Variants in MED25 observed in about 807,000 individuals in gnomAD.
MED25 encodes the protein mediator complex subunit 25, also known as mediator of RNA polymerase II transcription subunit 25.
Under a neutral mutation model 89.4 loss-of-function variants are expected in MED25, and 62 were observed. The observed-to-expected ratio is 0.69, with a 90% confidence interval of 0.57 to 0.86. The LOEUF (loss-of-function observed/expected upper bound fraction) is 0.86, where lower values mean the gene tolerates loss of function less well. Ranked by LOEUF, MED25 falls within the 40% of genes least tolerant of loss-of-function variation. The pLI, the probability that MED25 is intolerant of heterozygous loss-of-function variation, is 0.00. For missense variants in MED25, 905 were observed against 1,005.2 expected (o/e 0.90, Z 1.35); for synonymous variants, 449 against 427.9 (o/e 1.05, Z -0.61).
Position 49,835,209 on chromosome 19 carries a change from C to G in MED25, c.1674+32C>G. ...GTTGACAGTCCCCAAACCAGCACTC[C>G]GACCCCCTCCTGCCCGGGCCCCACA... On this transcript the variant is annotated intron_variant, in intron 14 of 17. Coordinates refer to ENST00000312865, the MANE Select transcript of MED25 (RefSeq NM_030973.4). The surrounding 1 kb of genome is among the most constrained non-coding windows in gnomAD (Gnocchi z 6.2). The G allele has an allele frequency of 6.2e-7, 1 of 1,611,706 alleles. No homozygotes were observed. Among genetic ancestry groups the G allele is most frequent in the South Asian group, 1.1e-5 (1 of 91,042 alleles).
At position 49,829,131 on chromosome 19, in the gene MED25, C is replaced by G; in HGVS notation, c.525+41C>G. ...TCTGAGGGACGAGGGTCTGGGGGCC[C>G]GGAGTCTTGGGTCTGAGGCAGGAGG... On this transcript the variant is annotated intron_variant, in intron 5 of 17. Coordinates refer to ENST00000312865, the MANE Select transcript of MED25 (RefSeq NM_030973.4). This position sits in a 1 kb window ranked among gnomAD's most constrained non-coding sequence, Gnocchi z 4.6. 1.3e-6 allele frequency: 2 copies of G among 1,578,392 alleles called. No individual in the cohort carries two copies. Among genetic ancestry groups the G allele is most frequent in the Non-Finnish European group, 8.7e-7 (1 of 1,155,540 alleles).
rs1239342052 is a variant in MED25 at position 49,836,746 on chromosome 19, G to C, written c.2147-101G>C. 1 of 882,666 alleles carries C rather than the reference G, an allele frequency of 1.1e-6. No homozygotes were observed. The highest frequency in any genetic ancestry group is 1.7e-5 in the African/African-American group (1 of 60,486). The allele number at this position is 882,666 out of a possible 1,614,324, so 54.7% of individuals were successfully genotyped here. A position where few individuals can be genotyped will look rare whatever the true frequency, so the allele number is the denominator to read the frequency against. Reference sequence around the variant, plus strand: ...CTAGATGGGGCCAGAAGGTGCTTCTGTTGGGTCCCCCAAGGGCTGCCTAGA... The same window carrying C: ...CTAGATGGGGCCAGAAGGTGCTTCTCTTGGGTCCCCCAAGGGCTGCCTAGA... On this transcript the variant is annotated intron_variant, in intron 17 of 17. Transcript: ENST00000312865. The surrounding 1 kb of genome is among the most constrained non-coding windows in gnomAD (Gnocchi z 5.1).
At chr19:49,838,504 G>T, downstream of MED25, 1 of 449,796 alleles carries the variant, frequency 2.2e-6, no homozygotes, top group Non-Finnish European at 4.5e-6. Context: ...TTGTCACGGG[G>T]TTTGCACTGT....
chr19:49,824,223 C>T (rs573551056), intron 3 of MED25, among the ~76,000 whole-genome samples: 8 of 152,048 alleles, frequency 5.3e-5, no homozygotes, highest in Non-Finnish European at 8.8e-5. Flanking sequence ...TGTCTTATAC[C>T]CTGGGAAACC....
At position 49,829,855 on chromosome 19, in the gene MED25, G is replaced by A. The variant is rs1160003190; in HGVS notation, c.595G>A (p.Ala199Thr). Residue 199 changes from alanine to threonine, a missense_variant, in exon 6 of 18, where the codon GCC (alanine) becomes ACC (threonine). Ala to Thr is a moderately conservative substitution (Grantham distance 58). Transcript: ENST00000312865. This position sits in a 1 kb window ranked among gnomAD's most constrained non-coding sequence, Gnocchi z 4.6. ...GCTTCGGCTTCTGTTTGAGAAGGCAGCCCCCCCGGCCTTGCTGGAGCCGCT... is the reference window on the plus strand; with the variant it reads ...GCTTCGGCTTCTGTTTGAGAAGGCAACCCCCCCGGCCTTGCTGGAGCCGCT... ...PALRLLFEKAAPPALLEPLQP... is the reference protein window; with the variant it reads ...PALRLLFEKATPPALLEPLQP... The A allele has an allele frequency of 6.2e-7, 1 of 1,611,936 alleles. No individual in the cohort carries two copies. The highest frequency in any genetic ancestry group is 2.2e-5 in the East Asian group (1 of 44,852).
chr19:49,830,425 C>A lies in MED25; in HGVS notation c.820-86C>A. Reference sequence around the variant, plus strand: ...CTATCCCAGCTGGTGCCTCATGGGGCCATGGGTGGTGTGACCTCGTGGGAT... The same window carrying A: ...CTATCCCAGCTGGTGCCTCATGGGGACATGGGTGGTGTGACCTCGTGGGAT... On this transcript the variant is annotated intron_variant, in intron 7 of 17. Coordinates refer to ENST00000312865, the MANE Select transcript of MED25 (RefSeq NM_030973.4). This position sits in a 1 kb window ranked among gnomAD's most constrained non-coding sequence, Gnocchi z 4.6. 7.2e-7 allele frequency: 1 copy of A among 1,384,002 alleles called. No homozygotes were observed. Among genetic ancestry groups the A allele is most frequent in the Non-Finnish European group, 1.0e-6 (1 of 978,868 alleles). The allele number at this position is 1,384,002 out of a possible 1,614,324, so 85.7% of individuals were successfully genotyped here. A position where few individuals can be genotyped will look rare whatever the true frequency, so the allele number is the denominator to read the frequency against.
chr19:49,835,217 T>A lies in MED25; in HGVS notation c.1674+40T>A. The A allele has an allele frequency of 6.2e-7, 1 of 1,609,756 alleles. No homozygotes were observed. The highest frequency in any genetic ancestry group is 8.5e-7 in the Non-Finnish European group (1 of 1,176,668). ...TCCCCAAACCAGCACTCCGACCCCC[T>A]CCTGCCCGGGCCCCACATGGCCCCC... On this transcript the variant is annotated intron_variant, in intron 14 of 17. Transcript: ENST00000312865. This position sits in a 1 kb window ranked among gnomAD's most constrained non-coding sequence, Gnocchi z 6.2.
Position 49,818,486 on chromosome 19 carries a change from T to G in MED25, c.134+11T>G. ...GCTCCCGGCCATCGAGTGAGTGCTG[T>G]TTCCGCGACTCTAACCCCGCCCTCC... On this transcript the variant is annotated intron_variant, in intron 1 of 17. Transcript: ENST00000312865. 6.2e-7 allele frequency: 1 copy of G among 1,614,182 alleles called. No individual in the cohort carries two copies. Among genetic ancestry groups the G allele is most frequent in the Non-Finnish European group, 8.5e-7 (1 of 1,180,036 alleles).
downstream of MED25, chr19:49,839,265 T>C (rs1023552854): frequency 5.8e-6 from 1 of 171,534 alleles, no homozygotes; most frequent in African/African-American, 2.4e-5. Context: ...CTGGCCAGAG[T>C]TCCGAAGCAC....
downstream of MED25, chr19:49,839,085 G>GGCCTTTTCTTTCGCTGC (rs2074118141): frequency 6.9e-6 from 2 of 289,500 alleles, no homozygotes; most frequent in Admixed American, 1.0e-4. Context: ...AATTGATTGT[G>GGCCTTTTCTTTCGCTGC]GCCTTTTCTT....
Position 49,836,689 on chromosome 19 carries a change from C to G in MED25, c.2147-158C>G. On this transcript the variant is annotated intron_variant, in intron 17 of 17. Transcript: ENST00000312865. This position sits in a 1 kb window ranked among gnomAD's most constrained non-coding sequence, Gnocchi z 5.1. ...GAGAAGTAGTTTTGGAGAAGGGCCC[C>G]CAAAGGCTCATGGGAAACAGCATAT... 1.3e-6 allele frequency: 1 copy of G among 747,356 alleles called. No homozygotes were observed. Among genetic ancestry groups the G allele is most frequent in the Non-Finnish European group, 2.4e-6 (1 of 413,696 alleles). The allele number at this position is 747,356 out of a possible 1,614,324, so 46.3% of individuals were successfully genotyped here. A position where few individuals can be genotyped will look rare whatever the true frequency, so the allele number is the denominator to read the frequency against.
At chr19:49,837,811 A>C (rs755538312), downstream of MED25, among the ~76,000 whole-genome samples, 7 of 152,180 alleles carry the variant, frequency 4.6e-5, no homozygotes, top group African/African-American at 7.2e-5. Context: ...TTCAAGCCAC[A>C]GAAGCAGACA....
intron 12 of MED25, 33 bp from the exon 13 acceptor site, chr19:49,832,275 C>A: frequency 6.5e-7 from 1 of 1,545,972 alleles, no homozygotes; most frequent in Non-Finnish European, 8.9e-7. Context: ...TTGCCCACAC[C>A]AGCATGCCAG....
At position 49,831,311 on chromosome 19, in the gene MED25, C is replaced by T. The variant is rs777435389; in HGVS notation, c.1102-22C>T. On this transcript the variant is annotated intron_variant, in intron 9 of 17. Transcript: ENST00000312865. The surrounding 1 kb of genome is among the most constrained non-coding windows in gnomAD (Gnocchi z 5.0). ...TCCCGGCCTTCCCCATTCTCATGGC[C>T]CTCCTTCCTCCCCTCTGGCAGGCAG... 1.2e-6 allele frequency: 2 copies of T among 1,607,210 alleles called. No individual in the cohort carries two copies. Among genetic ancestry groups the T allele is most frequent in the Non-Finnish European group, 1.7e-6 (2 of 1,177,730 alleles).
At chr19:49,822,006 G>T (rs1376075936) in intron 3 of MED25, among the ~76,000 whole-genome samples, 1 of 151,348 alleles carries the variant, frequency 6.6e-6, no homozygotes, top group African/African-American at 2.4e-5. Flanking sequence ...GCTCACGCCT[G>T]TAATCCCAGC....
rs758871852 is a variant in MED25, at chr19:49,828,962, C to A, written c.405-8C>A. ...TGCTGGCTCCATGTCTTCTCTCTTT[C>A]CTGGTAGTGGCCAGACGCACCGGGT... On this transcript the variant is annotated splice_polypyrimidine_tract_variant and splice_region_variant and intron_variant, in intron 4 of 17. Coordinates refer to ENST00000312865, the MANE Select transcript of MED25 (RefSeq NM_030973.4). 10 of 1,613,910 alleles carry A rather than the reference C, an allele frequency of 6.2e-6. No homozygotes were observed. The Admixed American group carries it at 8.3e-5, about 13-fold the overall frequency.
Position 49,835,774 on chromosome 19 carries a change from C to T in MED25, c.1794C>T (p.Ala598=), listed in dbSNP as rs185100172. The T allele has an allele frequency of 7.6e-3, 12,173 of 1,608,894 alleles. 89 individuals are homozygous for T. The highest frequency in any genetic ancestry group is 0.022 in the South Asian group (1,959 of 90,842). Residue 598 remains alanine, a synonymous_variant, in exon 16 of 18, where the codon GCC becomes GCT. Transcript: ENST00000312865. The surrounding 1 kb of genome is among the most constrained non-coding windows in gnomAD (Gnocchi z 6.2). ...PQPQPQGTVG[A]SGATGQPQPQ... is the part of the protein sequence containing the mutation. ...CCCAGCCTCAGGGTACCGTAGGGGC[C>T]TCTGGGGCCACGGGGCAGCCCCAGC...
At chr19:49,824,285 C>G (rs2074001209) in intron 3 of MED25, among the ~76,000 whole-genome samples, 1 of 152,222 alleles carries the variant, frequency 6.6e-6, no homozygotes, top group African/African-American at 2.4e-5. Flanking sequence ...TGACCTGTCA[C>G]AGCCCCACAC....
chr19:49,822,128 T>C (rs2073986783), intron 3 of MED25, among the ~76,000 whole-genome samples: 1 of 150,972 alleles, frequency 6.6e-6, no homozygotes, highest in Admixed American at 6.6e-5. Context: ...CCGGGCGCGG[T>C]GGCAGGCACC....
Sources: allele counts gnomAD v4.1 joint callset (sites outside exome capture counted in the v4.1 genomes callset), GRCh38; gene constraint gnomAD v4.1.1; non-coding constraint Gnocchi (gnomAD v3.1); transcripts MANE v1.5; gene names NCBI Gene and HGNC (gene_info 2026-07-23, HGNC 2026-07-21).